The following SHOC2 variants were observed in gnomAD, a reference collection of about 807,000 sequenced individuals.
The protein encoded by SHOC2 is SHOC2 leucine rich repeat scaffold protein, also known as leucine-rich repeat protein SHOC-2.
Under a neutral mutation model 50.2 loss-of-function variants are expected in SHOC2, and 4 were observed. The ratio of observed to expected loss-of-function variants is 0.08; its 90% CI spans 0.04 to 0.18. SHOC2 has a LOEUF of 0.18. Among genes scored for constraint, SHOC2 ranks in the 10% least tolerant of loss-of-function variants. The pLI, the probability that SHOC2 is intolerant of heterozygous loss-of-function variation, is 1.00. For missense variants in SHOC2, 388 were observed against 669.6 expected, an observed-to-expected ratio of 0.58 and a Z score of 4.64; for synonymous variants, 218 against 244.5, an observed-to-expected ratio of 0.89 and a Z score of 1.01.
At chr10:110,995,546 G>A (rs1848254400) in intron 3 of SHOC2, among the ~76,000 whole-genome samples, 1 of 152,176 alleles carries the variant, frequency 6.6e-6, no homozygotes, top group African/African-American at 2.4e-5. Flanking sequence ...AGATCTTGAA[G>A]GCAGATTTGT....
intron 1 of SHOC2, among the ~76,000 whole-genome samples, chr10:110,949,907 G>T (rs1184200415): frequency 6.6e-6 from 1 of 152,108 alleles, no homozygotes; most frequent in Non-Finnish European, 1.5e-5. Flanking sequence ...AACAAATTAG[G>T]GATAGAAGGT....
At chr10:111,001,622 G>T (rs140699788) in intron 4 of SHOC2, among the ~76,000 whole-genome samples, 1 of 152,206 alleles carries the variant, frequency 6.6e-6, no homozygotes, top group Non-Finnish European at 1.5e-5. Context: ...CTTATGGATT[G>T]ATTGAGCTTT....
At position 111,004,814 on chromosome 10, in the gene SHOC2, C is replaced by T; in HGVS notation, c.1161+20C>T. 1.3e-6 allele frequency: 2 copies of T among 1,533,308 alleles called. No homozygotes were observed. Among genetic ancestry groups the T allele is most frequent in the African/African-American group, 1.4e-5 (1 of 73,472 alleles). The allele number at this position is 1,533,308 out of a possible 1,614,324, so 95.0% of individuals were successfully genotyped here. On this transcript the variant is annotated intron_variant, in intron 5 of 8. Coordinates refer to ENST00000369452, the MANE Select transcript of SHOC2 (RefSeq NM_007373.4). Reference sequence around the variant, plus strand: ...ATGAAGGTAAGCATATATTTGTTTACTAGGGAAAGGAATTGCTTTAATTGG... The same window carrying T: ...ATGAAGGTAAGCATATATTTGTTTATTAGGGAAAGGAATTGCTTTAATTGG...
intron 1 of SHOC2, among the ~76,000 whole-genome samples, chr10:110,959,703 T>A (rs1052016782): frequency 6.6e-6 from 1 of 152,242 alleles, no homozygotes. Context: ...GCTCGCCAGA[T>A]GATTCTTGCT....
At chr10:111,002,057 A>C (rs928696823) in intron 4 of SHOC2, among the ~76,000 whole-genome samples, 1 of 152,150 alleles carries the variant, frequency 6.6e-6, no homozygotes, top group African/African-American at 2.4e-5. Context: ...AAAAAAAAAA[A>C]ATAAGTGAAA....
At chr10:110,919,959 C>T in intron 1 of SHOC2, 1 of 150,412 alleles carries the variant, frequency 6.6e-6, no homozygotes, top group Non-Finnish European at 1.4e-5. Context: ...GCCGGGCCTG[C>T]GGCGGCGGCG....
intron 5 of SHOC2, among the ~76,000 whole-genome samples, chr10:111,006,923 A>G (rs993726997): frequency 6.6e-6 from 1 of 152,208 alleles, no homozygotes; most frequent in Non-Finnish European, 1.5e-5. Flanking sequence ...TTTTAAACCA[A>G]ATTAAGACCA....
At chr10:110,936,955 C>T (rs756022321) in intron 1 of SHOC2, 2 of 1,443,860 alleles carry the variant, frequency 1.4e-6, no homozygotes, top group South Asian at 2.3e-5. Flanking sequence ...CCTGGCCTCG[C>T]TTGGTCTTGT....
At chr10:110,963,820 A>T (rs1424026089) in intron 1 of SHOC2, among the ~76,000 whole-genome samples, 1 of 152,216 alleles carries the variant, frequency 6.6e-6, no homozygotes, top group Non-Finnish European at 1.5e-5. Context: ...ATGCTAGTAC[A>T]TAGAAAGCAC....
chr10:110,962,807 C>G (rs190042002), intron 1 of SHOC2, among the ~76,000 whole-genome samples: 36 of 152,258 alleles, frequency 2.4e-4, no homozygotes, highest in Admixed American at 1.8e-3. Context: ...ACTAGTTAGC[C>G]TAAGTCCTGT....
intron 1 of SHOC2, among the ~76,000 whole-genome samples, chr10:110,921,734 T>C (rs1846656115): frequency 6.6e-6 from 1 of 152,160 alleles, no homozygotes; most frequent in Non-Finnish European, 1.5e-5. Flanking sequence ...TTATTGAGTA[T>C]GGTCACCCTG....
chr10:110,988,554 C>G (rs1848123948), intron 3 of SHOC2, among the ~76,000 whole-genome samples: 1 of 151,966 alleles, frequency 6.6e-6, no homozygotes, highest in South Asian at 2.1e-4. Context: ...TCTCTAATTC[C>G]TGATATCAAG....
chr10:110,975,338 G>T (rs10885071), intron 2 of SHOC2, among the ~76,000 whole-genome samples: 1 of 151,876 alleles, frequency 6.6e-6, no homozygotes, highest in Admixed American at 6.6e-5. Context: ...TGTGTTTTTA[G>T]TAAAGACGGG....
upstream of SHOC2, chr10:110,919,542 CG>C (rs1846557949): frequency 8.4e-5 from 1 of 11,916 alleles, no homozygotes; most frequent in Non-Finnish European, 1.5e-4. Context: ...CGGGGCGGGG[CG>C]AGTGGGGGAG....
chr10:110,977,402 C>T (rs981751139), intron 2 of SHOC2, among the ~76,000 whole-genome samples: 2 of 152,224 alleles, frequency 1.3e-5, no homozygotes, highest in East Asian at 1.9e-4. Flanking sequence ...TGCACCACCA[C>T]ACCCGGCTAA....
Position 110,940,948 on chromosome 10 carries a change from T to G in SHOC2, c.-235+21291T>G, listed in dbSNP as rs933046553. Among the ~76,000 whole-genome samples the G allele has an allele frequency of 4.5e-5, 3 of 66,734 alleles. 1 individual carries two copies. Among genetic ancestry groups the G allele is most frequent in the African/African-American group, 1.7e-4 (3 of 17,406 alleles). 43.8% of individuals were successfully genotyped at this position (66,734 alleles called of 152,430 possible). Reference sequence around the variant, plus strand: ...TTTTTTTTTTTTTTTTTTTTTTTTTTGTGACAGGGTCTAGCTCTGTTGCCC... The same window carrying G: ...TTTTTTTTTTTTTTTTTTTTTTTTTGGTGACAGGGTCTAGCTCTGTTGCCC... On this transcript the variant is annotated intron_variant, in intron 1 of 8. Coordinates refer to ENST00000369452, the MANE Select transcript of SHOC2 (RefSeq NM_007373.4).
At chr10:110,929,824 C>T (rs182277967) in intron 1 of SHOC2, among the ~76,000 whole-genome samples, 41 of 152,276 alleles carry the variant, frequency 2.7e-4, no homozygotes, top group Admixed American at 5.9e-4. Flanking sequence ...TTGGGAAGGA[C>T]ACAGTTCAGG....
chr10:110,930,536 T>A (rs1398807655), intron 1 of SHOC2, among the ~76,000 whole-genome samples: 1 of 152,114 alleles, frequency 6.6e-6, no homozygotes, highest in Non-Finnish European at 1.5e-5. Flanking sequence ...ATATTGAATA[T>A]TGTAGTCATC....
At chr10:110,947,598 T>C (rs1847270584) in intron 1 of SHOC2, among the ~76,000 whole-genome samples, 1 of 152,200 alleles carries the variant, frequency 6.6e-6, no homozygotes, top group Non-Finnish European at 1.5e-5. Context: ...TCCTCAATAA[T>C]GTAAACTTGG....
Sources: allele counts gnomAD v4.1 joint callset (sites outside exome capture counted in the v4.1 genomes callset), GRCh38; gene constraint gnomAD v4.1.1; transcripts MANE v1.5; gene names NCBI Gene and HGNC (gene_info 2026-07-23, HGNC 2026-07-21).